Variants in GMDS observed in about 807,000 individuals in gnomAD.
The protein encoded by GMDS is GDP-mannose 4,6 dehydratase.
In GMDS, 20 loss-of-function variants were observed where a neutral mutation model predicts 49.9. That is an observed-to-expected ratio of 0.40 (90% CI 0.28 to 0.58). The LOEUF (loss-of-function observed/expected upper bound fraction) is 0.58, where lower values mean the gene tolerates loss of function less well. GMDS is among the 20% of genes least tolerant of loss of function. The pLI, the probability that GMDS is intolerant of heterozygous loss-of-function variation, is 0.42. For synonymous variants in GMDS, 177 were observed against 178.6 expected, an observed-to-expected ratio of 0.99 and a Z score of 0.07; for missense variants, 362 against 481.4, an observed-to-expected ratio of 0.75 and a Z score of 2.32.
intron 7 of GMDS, among the ~76,000 whole-genome samples, chr6:1,814,069 C>T (rs1215090046): frequency 6.6e-6 from 1 of 152,188 alleles, no homozygotes; most frequent in African/African-American, 2.4e-5. Context: ...TTTCCACTTT[C>T]ATTTCAGCAG....
intron 7 of GMDS, among the ~76,000 whole-genome samples, chr6:1,879,953 GGGAAATTAACAAAGAT>G (rs1414237241): frequency 1.3e-5 from 2 of 152,070 alleles, no homozygotes; most frequent in African/African-American, 2.4e-5. Context: ...GAGATGTTAA[GGGAAATTAACAAAGAT>G]GATAGGAGAG....
chr6:2,094,219 A>G (rs1773471511), intron 4 of GMDS, among the ~76,000 whole-genome samples: 1 of 152,218 alleles, frequency 6.6e-6, no homozygotes, highest in South Asian at 2.1e-4. Context: ...ACACGTTAGA[A>G]AGTACTAGAA....
intron 1 of GMDS, among the ~76,000 whole-genome samples, chr6:2,126,490 C>T (rs1434463257): frequency 6.6e-6 from 1 of 152,112 alleles, no homozygotes; most frequent in Non-Finnish European, 1.5e-5. Flanking sequence ...ATTGGAAACA[C>T]CCTATGGGTC....
chr6:1,719,349 G>A (rs930371378), intron 9 of GMDS, among the ~76,000 whole-genome samples: 26 of 152,242 alleles, frequency 1.7e-4, no homozygotes, highest in African/African-American at 6.0e-4. Context: ...GAAAGGTGGC[G>A]CAGAGCCCAC....
intron 1 of GMDS, among the ~76,000 whole-genome samples, chr6:2,211,742 G>C (rs1780070891): frequency 6.6e-6 from 1 of 152,094 alleles, no homozygotes; most frequent in Admixed American, 6.5e-5. Context: ...CTATGCCGTA[G>C]GGTCAGAAAA....
rs143977247 is a variant in GMDS at position 1,709,871 on chromosome 6, T to C, written c.987+16545A>G. ...TCTCTCAACAAATACAGTCCTTTGG[T>C]TGGGCTAAACCTGCCTAACTCGACT... On this transcript the variant is annotated intron_variant, in intron 9 of 10. Transcript: ENST00000380815. Among the ~76,000 whole-genome samples, 27 of 152,304 alleles carry C rather than the reference T, an allele frequency of 1.8e-4. No individual in the cohort carries two copies. The East Asian group carries it at 4.8e-3, about 27-fold the overall frequency.
chr6:1,748,250 A>G (rs933226228), intron 7 of GMDS, among the ~76,000 whole-genome samples: 13 of 152,140 alleles, frequency 8.5e-5, no homozygotes, highest in African/African-American at 3.1e-4. Context: ...CTATTCTTTC[A>G]ATTTGCAGAT....
chr6:1,725,208 T>C (rs1293991939), intron 9 of GMDS, among the ~76,000 whole-genome samples: 1 of 152,222 alleles, frequency 6.6e-6, no homozygotes, highest in African/African-American at 2.4e-5. Flanking sequence ...ATGCTTTCTA[T>C]TATCTTTAGG....
chr6:2,018,327 G>A (rs1768034457), intron 4 of GMDS, among the ~76,000 whole-genome samples: 1 of 152,206 alleles, frequency 6.6e-6, no homozygotes, highest in Admixed American at 6.5e-5. Flanking sequence ...CAGTGGTTTT[G>A]TTGAGATATA....
chr6:1,848,207 G>C (rs1009632179), intron 7 of GMDS, among the ~76,000 whole-genome samples: 1 of 151,960 alleles, frequency 6.6e-6, no homozygotes. Flanking sequence ...CCAACGTACC[G>C]CCCCATTTCA....
chr6:2,033,713 C>G (rs1371513683), intron 4 of GMDS, among the ~76,000 whole-genome samples: 1 of 152,210 alleles, frequency 6.6e-6, no homozygotes, highest in Non-Finnish European at 1.5e-5. Context: ...TAGATCCTAA[C>G]AGTACAGATG....
intron 7 of GMDS, among the ~76,000 whole-genome samples, chr6:1,816,369 A>G (rs933180978): frequency 6.6e-6 from 1 of 152,290 alleles, no homozygotes; most frequent in Non-Finnish European, 1.5e-5. Flanking sequence ...AGGAGTCTTA[A>G]ATCACATAAA....
intron 4 of GMDS, among the ~76,000 whole-genome samples, chr6:2,062,130 A>C (rs1274032778): frequency 6.6e-6 from 1 of 152,144 alleles, no homozygotes; most frequent in Admixed American, 6.5e-5. Flanking sequence ...TGCCAGCAAT[A>C]TTCCCTGCAG....
chr6:1,955,849 G>A (rs1163170952), intron 6 of GMDS, among the ~76,000 whole-genome samples: 4 of 152,122 alleles, frequency 2.6e-5, no homozygotes, highest in Admixed American at 2.0e-4. Flanking sequence ...ACCGTAATGA[G>A]CACGTGTCCA....
chr6:2,169,422 C>T (rs1414714163), intron 1 of GMDS, among the ~76,000 whole-genome samples: 1 of 151,978 alleles, frequency 6.6e-6, no homozygotes, highest in Non-Finnish European at 1.5e-5. Context: ...GCTTGGCCAA[C>T]ATGGTAAGAC....
Position 2,119,750 on chromosome 6 carries a change from A to C in GMDS, c.148-2194T>G, listed in dbSNP as rs376214952. ...AATTTGGCTTTATATAAACTTAATC[A>C]AAATCATTACAAAGTTATAGTAGTT... On this transcript the variant is annotated intron_variant, in intron 2 of 10. Coordinates refer to ENST00000380815, the MANE Select transcript of GMDS (RefSeq NM_001500.4). 2.8e-4 allele frequency among the ~76,000 whole-genome samples: 42 copies of C among 152,328 alleles called. No homozygotes were observed. In the South Asian group the frequency reaches 8.3e-3, roughly 30 times the overall value.
chr6:2,141,553 A>C (rs943169592), intron 1 of GMDS, among the ~76,000 whole-genome samples: 1 of 152,206 alleles, frequency 6.6e-6, no homozygotes, highest in East Asian at 1.9e-4. Context: ...TTCAGCCTTC[A>C]TAAAACCGTG....
At chr6:1,845,726 G>A (rs1224092324) in intron 7 of GMDS, among the ~76,000 whole-genome samples, 7 of 152,102 alleles carry the variant, frequency 4.6e-5, no homozygotes, top group African/African-American at 1.7e-4. Flanking sequence ...TTCATAAGGA[G>A]CGCATAACCT....
At chr6:1,670,907 A>G (rs560106303) in intron 9 of GMDS, among the ~76,000 whole-genome samples, 1 of 152,316 alleles carries the variant, frequency 6.6e-6, no homozygotes, top group South Asian at 2.1e-4. Context: ...TCAATGAACC[A>G]CACCTCTTAC....
Sources: allele counts gnomAD v4.1 joint callset (sites outside exome capture counted in the v4.1 genomes callset), GRCh38; gene constraint gnomAD v4.1.1; transcripts MANE v1.5; gene names NCBI Gene and HGNC (gene_info 2026-07-23, HGNC 2026-07-21).